The following ANK3 variants were observed in gnomAD, a reference collection of about 807,000 sequenced individuals.
ANK3 encodes ankyrin 3.
Under a neutral mutation model 370.9 loss-of-function variants are expected in ANK3, and 57 were observed. The observed-to-expected ratio is 0.15, with a 90% CI of 0.12 to 0.19. ANK3 has a LOEUF of 0.19. ANK3 is among the 10% of genes least tolerant of loss of function. The pLI, the probability that ANK3 is intolerant of heterozygous loss-of-function variation, is 1.00. For synonymous variants in ANK3, 1,929 were observed against 1,946.3 expected, an observed-to-expected ratio of 0.99 and a Z score of 0.23; for missense variants, 4,439 against 5,302.1, an observed-to-expected ratio of 0.84 and a Z score of 5.06.
rs569761553 is a variant in ANK3 at position 60,104,823 on chromosome 10, A to G, written c.3328+1082T>C. Among the ~76,000 whole-genome samples the G allele has an allele frequency of 2.0e-5, 3 of 152,320 alleles. No individual in the cohort carries two copies. The South Asian group carries it at 6.2e-4, about 32-fold the overall frequency. Reference sequence around the variant, plus strand: ...ATCAAGGGCTTACTATGTAACAAGGACTGTATTTCACATGTGCCTCACATA... The same window carrying G: ...ATCAAGGGCTTACTATGTAACAAGGGCTGTATTTCACATGTGCCTCACATA... On this transcript the variant is annotated intron_variant, in intron 28 of 43. Transcript: ENST00000280772.
Position 60,071,547 on chromosome 10 carries a change from CTTG to C in ANK3, c.9331_9333del (p.Gln3111del), listed in dbSNP as rs766672357. ...TGACTTATGATTTTTTTTACACCTC[CTTG>C]TTGTATCTCCTTTTCATATTGCTTC... On this transcript the variant is annotated inframe_deletion, in exon 37 of 44. Transcript: ENST00000280772. 3 of 1,613,908 alleles carry C rather than the reference CTTG, an allele frequency of 1.9e-6. No individual in the cohort carries two copies. Among genetic ancestry groups the C allele is most frequent in the Non-Finnish European group, 2.5e-6 (3 of 1,179,922 alleles).
At chr10:60,417,310 G>A (rs557381119) in intron 2 of ANK3, among the ~76,000 whole-genome samples, 61 of 152,218 alleles carry the variant, frequency 4.0e-4, no homozygotes, top group Admixed American at 6.5e-4. Flanking sequence ...GCAACTTGAC[G>A]GGGGGTCAGC....
intron 27 of ANK3, among the ~76,000 whole-genome samples, chr10:60,107,643 C>A (rs1289592332): frequency 6.6e-6 from 1 of 152,158 alleles, no homozygotes; most frequent in Non-Finnish European, 1.5e-5. Flanking sequence ...ATTTAAATAT[C>A]TTATTTTCCC....
intron 4 of ANK3, among the ~76,000 whole-genome samples, chr10:60,270,991 A>G (rs2097968770): frequency 6.6e-6 from 1 of 152,096 alleles, no homozygotes; most frequent in Non-Finnish European, 1.5e-5. Context: ...CCTCTCTGAA[A>G]TGTGCATCAA....
intron 1 of ANK3, among the ~76,000 whole-genome samples, chr10:60,325,121 T>C (rs1338764309): frequency 6.6e-6 from 1 of 152,238 alleles, no homozygotes; most frequent in Non-Finnish European, 1.5e-5. Flanking sequence ...TGAATCTTAA[T>C]GACAGCAACA....
intron 2 of ANK3, among the ~76,000 whole-genome samples, chr10:60,419,835 G>A (rs1049669196): frequency 3.4e-4 from 52 of 152,226 alleles, no homozygotes; most frequent in African/African-American, 1.2e-3. Context: ...GATAACTCCA[G>A]TATTCATCTG....
At chr10:60,063,003 T>A (rs1380220798) in intron 40 of ANK3, 108 bp downstream of exon 40, 4 of 1,175,510 alleles carry the variant, frequency 3.4e-6, no homozygotes, top group Non-Finnish European at 4.7e-6. Context: ...AATGAGAAAC[T>A]AAGTCAAGCA....
intron 1 of ANK3, among the ~76,000 whole-genome samples, chr10:60,292,260 A>G (rs1352276144): frequency 6.6e-6 from 1 of 152,136 alleles, no homozygotes; most frequent in African/African-American, 2.4e-5. Flanking sequence ...TTGCAGGTGT[A>G]TTCATTACCA....
chr10:60,430,814 A>C lies in ANK3; in HGVS notation c.97-151175T>G, dbSNP rs149646552. ...CAAATAGGTGTGAAATAAAAAAAAA[A>C]CTTGGATTTGAATTCTTACTCTACT... On this transcript the variant is annotated intron_variant, in intron 2 of 43. Transcript: ENST00000373827. Among the ~76,000 whole-genome samples the C allele has an allele frequency of 4.4e-3, 673 of 152,310 alleles. 3 individuals are homozygous for C. Among genetic ancestry groups the C allele is most frequent in the African/African-American group, 0.016 (652 of 41,556 alleles).
At chr10:60,464,207 C>A (rs1434033579) in intron 2 of ANK3, among the ~76,000 whole-genome samples, 1 of 152,046 alleles carries the variant, frequency 6.6e-6, no homozygotes, top group Non-Finnish European at 1.5e-5. Flanking sequence ...CAGAGCTAAT[C>A]AAGAGGTGAG....
intron 1 of ANK3, among the ~76,000 whole-genome samples, chr10:60,685,508 G>A (rs74155692): frequency 0.012 from 1,797 of 152,290 alleles, 36 homozygotes; most frequent in African/African-American, 0.041. Flanking sequence ...TTACAAAGCC[G>A]TAAAGTACAG....
chr10:60,649,184 G>A (rs537724507), intron 1 of ANK3, among the ~76,000 whole-genome samples: 38 of 152,006 alleles, frequency 2.5e-4, no homozygotes, highest in Non-Finnish European at 4.7e-4. Flanking sequence ...TGGATTGCCA[G>A]TATTCTGACA....
chr10:60,320,778 C>T (rs2048460465), intron 1 of ANK3, among the ~76,000 whole-genome samples: 1 of 152,092 alleles, frequency 6.6e-6, no homozygotes, highest in Admixed American at 6.6e-5. Context: ...GTTTGGTGCA[C>T]ACCAGTATAA....
chr10:60,125,068 T>C (rs2093688158), intron 25 of ANK3, among the ~76,000 whole-genome samples: 1 of 152,044 alleles, frequency 6.6e-6, no homozygotes, highest in Non-Finnish European at 1.5e-5. Context: ...GGAAACACTT[T>C]TAAGAAATGG....
At chr10:60,317,421 G>A (rs966515426) in intron 1 of ANK3, among the ~76,000 whole-genome samples, 32 of 152,074 alleles carry the variant, frequency 2.1e-4, no homozygotes, top group African/African-American at 7.7e-4. Context: ...ACTGTGCCCG[G>A]CCCCTACTTG....
intron 2 of ANK3, chr10:60,572,563 A>T: frequency 6.5e-7 from 1 of 1,530,322 alleles, no homozygotes; most frequent in Non-Finnish European, 8.7e-7. Flanking sequence ...TAAAAGACAG[A>T]TCACCGCCGG....
chr10:60,087,804 G>T (rs920433018), intron 29 of ANK3, among the ~76,000 whole-genome samples: 4 of 152,160 alleles, frequency 2.6e-5, no homozygotes, highest in Admixed American at 2.6e-4. Context: ...ACTAAAGTCT[G>T]CAGGCTTCAC....
chr10:60,082,251 A>G (rs1440083046), intron 34 of ANK3, 75 bp from the exon 35 acceptor site: 3 of 1,319,464 alleles, frequency 2.3e-6, no homozygotes, highest in Non-Finnish European at 3.2e-6. Context: ...TCAGGATATG[A>G]AAAGGACTGA....
intron 7 of ANK3, among the ~76,000 whole-genome samples, chr10:60,235,501 A>T (rs1159327640): frequency 6.7e-6 from 1 of 149,624 alleles, no homozygotes; most frequent in Non-Finnish European, 1.5e-5. Context: ...TTATTTCCAG[A>T]CTGTCAAGGA....
Sources: gnomAD v4.1 joint callset for allele counts (sites outside exome capture counted in the v4.1 genomes callset) on GRCh38, gnomAD v4.1.1 for gene constraint, MANE v1.5 for transcripts, NCBI Gene and HGNC (gene_info 2026-07-23, HGNC 2026-07-21) for gene names.